Variants in SMARCAD1 observed in about 807,000 individuals in gnomAD.
SMARCAD1 encodes the protein SWI/SNF-related matrix-associated actin-dependent regulator of chromatin subfamily A containing DEAD/H box 1.
A neutral mutation model predicts 127.1 loss-of-function variants in SMARCAD1; 25 were observed. That is an observed-to-expected ratio of 0.20 (90% confidence interval 0.14 to 0.27). The LOEUF (loss-of-function observed/expected upper bound fraction) is 0.27. Ranked by LOEUF, SMARCAD1 falls within the 10% of genes least tolerant of loss-of-function variation. The pLI is 1.00. For missense variants in SMARCAD1, 807 were observed against 1,206.0 expected (o/e 0.67, Z 4.90); for synonymous variants, 400 against 396.9 (o/e 1.01, Z -0.09).
At chr4:94,281,085 A>G (rs918828659) in intron 20 of SMARCAD1, among the ~76,000 whole-genome samples, 2 of 152,210 alleles carry the variant, frequency 1.3e-5, no homozygotes, top group African/African-American at 2.4e-5. Flanking sequence ...TAAAGACACT[A>G]TTTGTTAGTT....
At chr4:94,240,877 A>G in intron 5 of SMARCAD1, 29 bp from the exon 6 acceptor site, 1 of 1,559,708 alleles carries the variant, frequency 6.4e-7, no homozygotes, top group Non-Finnish European at 8.8e-7. Flanking sequence ...TTCTGTGCAA[A>G]GTTTGAGTGT....
intron 6 of SMARCAD1, among the ~76,000 whole-genome samples, chr4:94,242,914 C>T (rs1409184596): frequency 6.6e-6 from 1 of 152,124 alleles, no homozygotes. Context: ...AGACCTGTCT[C>T]ACAACATACA....
In SMARCAD1 at chr4:94,234,054, C is replaced by G. The variant is rs1315332861; in HGVS notation, c.469C>G (p.Leu157Val). 6.2e-7 allele frequency: 1 copy of G among 1,613,600 alleles called. No individual in the cohort carries two copies. Among genetic ancestry groups the G allele is most frequent in the Admixed American group, 1.7e-5 (1 of 59,944 alleles). Residue 157 changes from leucine (L) to valine (V), a missense_variant, in exon 4 of 24, where the codon CTT becomes GTT. Physicochemically the swap from Leu to Val is conservative, Grantham distance 32 (BLOSUM62 1). Around this residue, in one of 8 missense-constraint regions of SMARCAD1, gnomAD observed 48 missense variants for 90.8 expected, o/e 0.53. Transcript: ENST00000354268. ...GGAAGACCTTTCGGAATTGGAAGACCTTAAAGATGCTAAACTTCAGACTTT... is the reference window on the plus strand; with the variant it reads ...GGAAGACCTTTCGGAATTGGAAGACGTTAAAGATGCTAAACTTCAGACTTT... ...ELEDLSELED[L>V]KDAKLQTLKE... is the part of the protein sequence containing the mutation.
intron 6 of SMARCAD1, among the ~76,000 whole-genome samples, chr4:94,244,717 G>C (rs916570425): frequency 6.6e-6 from 1 of 150,490 alleles, no homozygotes; most frequent in African/African-American, 2.5e-5. Context: ...TTTTTACTTA[G>C]TTCTTCTCTG....
intron 9 of SMARCAD1, among the ~76,000 whole-genome samples, chr4:94,258,090 A>G (rs1750391241): frequency 6.8e-6 from 1 of 147,008 alleles, no homozygotes; most frequent in African/African-American, 2.5e-5. Flanking sequence ...TTATTTTCCT[A>G]TATACTTGTC....
chr4:94,253,321 G>A (rs1560541807), intron 9 of SMARCAD1: 13 of 1,344,816 alleles, frequency 9.7e-6, no homozygotes, highest in Non-Finnish European at 1.2e-5. Flanking sequence ...ATTTAGGAAG[G>A]AGTTGTTTGC....
At chr4:94,213,414 G>C (rs1742608656) in intron 2 of SMARCAD1, among the ~76,000 whole-genome samples, 1 of 152,064 alleles carries the variant, frequency 6.6e-6, no homozygotes, top group African/African-American at 2.4e-5. Context: ...TGGAGGGTTG[G>C]GGGCAGATTA....
intron 2 of SMARCAD1, among the ~76,000 whole-genome samples, chr4:94,210,523 A>G (rs1184251185): frequency 6.6e-6 from 1 of 152,186 alleles, no homozygotes; most frequent in Non-Finnish European, 1.5e-5. Context: ...GGGAAAGAAA[A>G]CATTTAGGCA....
At chr4:94,210,937 A>AAAAAAAG (rs899291656) in intron 2 of SMARCAD1, among the ~76,000 whole-genome samples, 6 of 150,060 alleles carry the variant, frequency 4.0e-5, no homozygotes, top group African/African-American at 1.5e-4. Flanking sequence ...CTCAAAAAAA[A>AAAAAAAG]AAAAAAAAAA....
intron 19 of SMARCAD1, among the ~76,000 whole-genome samples, chr4:94,279,326 G>A (rs189286305): frequency 6.6e-6 from 1 of 152,200 alleles, no homozygotes; most frequent in Non-Finnish European, 1.5e-5. Context: ...TTTTTGTACG[G>A]ATGGGGTTTT....
intron 6 of SMARCAD1, among the ~76,000 whole-genome samples, chr4:94,246,920 C>G (rs566478759): frequency 6.6e-6 from 1 of 152,332 alleles, no homozygotes; most frequent in East Asian, 1.9e-4. Flanking sequence ...TGATTGATAA[C>G]TGCATAGCCA....
In SMARCAD1 at chr4:94,208,415, C is replaced by T. The variant is rs1216109083; in HGVS notation, c.21C>T (p.Asp7=). Reference sequence around the variant, plus strand: ...CCAATATGAATCTTTTCAACCTGGACCGTTTTCGCTTTGAGAAAAGGAATA... The same window carrying T: ...CCAATATGAATCTTTTCAACCTGGATCGTTTTCGCTTTGAGAAAAGGAATA... MNLFNL[D]RFRFEKRNKI... is the part of the protein sequence containing the mutation. The change falls in exon 2 of 24, where the codon GAC becomes GAT. Residue 7 remains aspartate (D), a synonymous_variant. Coordinates refer to ENST00000354268, the MANE Select transcript of SMARCAD1 (RefSeq NM_020159.5). 1.9e-6 allele frequency: 3 copies of T among 1,614,058 alleles called. No homozygotes were observed. The highest frequency in any genetic ancestry group is 2.2e-5 in the South Asian group (2 of 91,070).
intron 21 of SMARCAD1, among the ~76,000 whole-genome samples, chr4:94,282,467 T>TA (rs1020457438): frequency 6.6e-6 from 1 of 152,050 alleles, no homozygotes; most frequent in African/African-American, 2.4e-5. Context: ...TTTCAAAGTC[T>TA]AAAACACCTT....
chr4:94,232,724 G>A (rs377015910), intron 3 of SMARCAD1, among the ~76,000 whole-genome samples: 9 of 152,176 alleles, frequency 5.9e-5, no homozygotes, highest in South Asian at 2.1e-4. Flanking sequence ...AGGCCAAGGC[G>A]GGCGGATCGC....
At chr4:94,264,565 A>T (rs1751464040) in intron 9 of SMARCAD1, 142 bp from the exon 10 acceptor site, 1 of 624,098 alleles carries the variant, frequency 1.6e-6, no homozygotes, top group Non-Finnish European at 2.7e-6. Flanking sequence ...AACATGAAGA[A>T]TCAGGTTCTC....
chr4:94,282,663 T>G (rs1363541875), intron 21 of SMARCAD1, among the ~76,000 whole-genome samples: 1 of 152,014 alleles, frequency 6.6e-6, no homozygotes, highest in African/African-American at 2.4e-5. Flanking sequence ...GCCAGAGTGG[T>G]TTTTTCCCAC....
intron 20 of SMARCAD1, 39 bp from the exon 21 acceptor site, chr4:94,281,433 G>T: frequency 1.4e-6 from 2 of 1,406,418 alleles, no homozygotes; most frequent in South Asian, 2.3e-5. Context: ...GTAGTAAAAC[G>T]ATTTTTTCTA....
At position 94,283,235 on chromosome 4, in the gene SMARCAD1, C is replaced by T. The variant is rs759461767; in HGVS notation, c.2841C>T (p.His947=). The change falls in exon 22 of 24, where the codon CAC becomes CAT. Residue 947 remains histidine, a synonymous_variant. Coordinates refer to ENST00000354268, the MANE Select transcript of SMARCAD1 (RefSeq NM_020159.5). ...NLTSANVVIL[H]DIDCNPYNDK... is the part of the protein sequence containing the mutation. ...CTTCAGCAAATGTTGTTATACTTCA[C>T]GATATTGACTGTAATCCTTATAATG... 3.7e-5 allele frequency: 59 copies of T among 1,613,420 alleles called. No individual in the cohort carries two copies. The Middle Eastern group carries it at 1.2e-3, about 32-fold the overall frequency.
chr4:94,222,026 A>G (rs947978732), intron 2 of SMARCAD1, among the ~76,000 whole-genome samples: 1 of 152,194 alleles, frequency 6.6e-6, no homozygotes, highest in Non-Finnish European at 1.5e-5. Flanking sequence ...TTTGGTAAGT[A>G]TATTTAATCA....
Sources: gnomAD v4.1 joint callset for allele counts (sites outside exome capture counted in the v4.1 genomes callset) on GRCh38, gnomAD v4.1.1 for gene constraint, gnomAD v4.1.1 regional missense constraint, MANE v1.5 for transcripts, NCBI Gene and HGNC (gene_info 2026-07-23, HGNC 2026-07-21) for gene names.